Variants in HS3ST1 observed in about 807,000 individuals in gnomAD.
HS3ST1 encodes heparan sulfate glucosamine 3-O-sulfotransferase 1.
In HS3ST1, 8 loss-of-function variants were observed where a neutral mutation model predicts 20.7. That is an observed-to-expected ratio of 0.39 (90% confidence interval 0.23 to 0.70). The LOEUF (loss-of-function observed/expected upper bound fraction) is 0.70. Ranked by LOEUF, HS3ST1 falls within the 30% of genes least tolerant of loss-of-function variation. The pLI, the probability that HS3ST1 is intolerant of heterozygous loss-of-function variation, is 0.46. For missense variants in HS3ST1, 436 were observed against 423.4 expected, an observed-to-expected ratio of 1.03 and a Z score of -0.26; for synonymous variants, 205 against 190.4, an observed-to-expected ratio of 1.08 and a Z score of -0.63.
intron 1 of HS3ST1, among the ~76,000 whole-genome samples, chr4:11,425,064 C>T (rs900070925): frequency 6.6e-6 from 1 of 152,116 alleles, no homozygotes; most frequent in Non-Finnish European, 1.5e-5. Flanking sequence ...GTTTTCCGAT[C>T]GGCAGATTCC....
At chr4:11,420,398 C>T (rs1165127397) in intron 1 of HS3ST1, among the ~76,000 whole-genome samples, 2 of 152,146 alleles carry the variant, frequency 1.3e-5, no homozygotes, top group Non-Finnish European at 2.9e-5. Context: ...GGGAGCGAGT[C>T]TGAAAAGCTC....
rs1216173061 is a variant in HS3ST1 at position 11,397,188 on chromosome 4, G to T, written c.*1894C>A. The T allele has an allele frequency of 6.6e-6, 1 of 152,234 alleles. No individual in the cohort carries two copies. Among genetic ancestry groups the T allele is most frequent in the Non-Finnish European group, 1.5e-5 (1 of 68,054 alleles). The allele number at this position is 152,234 out of a possible 1,614,324, so 9.4% of individuals were successfully genotyped here. A position where few individuals can be genotyped will look rare whatever the true frequency, so the allele number is the denominator to read the frequency against. On this transcript the variant is annotated 3_prime_UTR_variant, in exon 2 of 2. Transcript: ENST00000002596. ...CTCTCTGCCTATTGAAAAGTACCAT[G>T]TCCACCAGGGGCCTGCTGTAAATAT...
At chr4:11,422,031 C>T (rs1186489726) in intron 1 of HS3ST1, among the ~76,000 whole-genome samples, 1 of 152,232 alleles carries the variant, frequency 6.6e-6, no homozygotes, top group African/African-American at 2.4e-5. Flanking sequence ...TTATCTACTA[C>T]ATTCTTTTCA....
At chr4:11,400,733 T>A (rs1718300409) in intron 1 of HS3ST1, among the ~76,000 whole-genome samples, 2 of 152,226 alleles carry the variant, frequency 1.3e-5, no homozygotes, top group South Asian at 4.1e-4. Flanking sequence ...TGTGAATTAG[T>A]ATGAAAGATT....
chr4:11,398,798 G>GA lies in HS3ST1; in HGVS notation c.*283dup, dbSNP rs1010216982. ...TATTCAAAAAAACATAGCGTCTCCAGAAAAAATCTTTTTTTTTTTTTCAGT... is the reference window on the plus strand; with the variant it reads ...TATTCAAAAAAACATAGCGTCTCCAGAAAAAAATCTTTTTTTTTTTTTCAGT... On this transcript the variant is annotated 3_prime_UTR_variant, in exon 2 of 2. Transcript: ENST00000002596. 4.1e-6 allele frequency: 1 copy of GA among 246,356 alleles called. No individual in the cohort carries two copies. 15.3% of individuals were successfully genotyped at this position (246,356 alleles called of 1,614,324 possible).
rs1019436378 is a variant in HS3ST1, at chr4:11,396,658, T to C, written c.*2424A>G. On this transcript the variant is annotated 3_prime_UTR_variant, in exon 2 of 2. Coordinates refer to ENST00000002596, the MANE Select transcript of HS3ST1 (RefSeq NM_005114.4). ...GGGTAAGTCTGGAGTGATGGTTTCT[T>C]ACACAGTGTACCTTCTCAATGACTG... 4.6e-5 allele frequency: 7 copies of C among 152,286 alleles called. No homozygotes were observed. The highest frequency in any genetic ancestry group is 1.7e-4 in the African/African-American group (7 of 41,430). 9.4% of individuals were successfully genotyped at this position (152,286 alleles called of 1,614,324 possible). A position where few individuals can be genotyped will look rare whatever the true frequency, so the allele number is the denominator to read the frequency against.
chr4:11,427,820 T>G lies in HS3ST1; in HGVS notation c.-109+879A>C, dbSNP rs75070691. 4.3e-3 allele frequency among the ~76,000 whole-genome samples: 656 copies of G among 152,296 alleles called. 6 individuals carry two copies. Among genetic ancestry groups the G allele is most frequent in the East Asian group, 0.022 (115 of 5,146 alleles). The stretch of plus-strand genomic sequence containing the variant: ...CCGGCACCCGGCTTTGGCTCCAGCT[T>G]CTTCTTCCCATCATCCGCCTACGTT... On this transcript the variant is annotated intron_variant, in intron 1 of 1. Coordinates refer to ENST00000002596, the MANE Select transcript of HS3ST1 (RefSeq NM_005114.4).
At chr4:11,410,245 G>A (rs532872691) in intron 1 of HS3ST1, among the ~76,000 whole-genome samples, 7 of 152,186 alleles carry the variant, frequency 4.6e-5, no homozygotes, top group African/African-American at 1.7e-4. Flanking sequence ...GATGCACGTG[G>A]AAGGAATGAA....
intron 1 of HS3ST1, among the ~76,000 whole-genome samples, chr4:11,423,240 C>T (rs75859735): frequency 0.012 from 1,825 of 152,058 alleles, 38 homozygotes; most frequent in African/African-American, 0.042. Context: ...AATGCAATGC[C>T]GGGTACATGG....
At position 11,399,231 on chromosome 4, in the gene HS3ST1, C is replaced by G. The variant is rs750938470; in HGVS notation, c.775G>C (p.Asp259His). 1.9e-6 allele frequency: 3 copies of G among 1,614,054 alleles called. No individual in the cohort carries two copies. Among genetic ancestry groups the G allele is most frequent in the South Asian group, 2.2e-5 (2 of 91,084 alleles). ...TGTAAGCAGCGGTCCCGGCCGCTGT[C>G]CCGCAGGCAGTAAAAGCCCTTGGTT... is the stretch of plus-strand genomic sequence containing the variant. Reference protein sequence around the residue: ...NKTKGFYCLRDSGRDRCLHES... With the variant: ...NKTKGFYCLRHSGRDRCLHES... The change falls in exon 2 of 2, where the codon GAC becomes CAC. Residue 259 changes from aspartate (D) to histidine (H), a missense_variant. By Grantham distance (81) the Asp-to-His change is moderately conservative. Coordinates refer to ENST00000002596, the MANE Select transcript of HS3ST1 (RefSeq NM_005114.4). This position sits in a 1 kb window ranked among gnomAD's most constrained non-coding sequence, Gnocchi z 5.1.
Position 11,405,865 on chromosome 4 carries a change from G to A in HS3ST1, c.-108-5752C>T, listed in dbSNP as rs562320641. 3.3e-5 allele frequency among the ~76,000 whole-genome samples: 5 copies of A among 152,304 alleles called. No individual in the cohort carries two copies. In the South Asian group the frequency reaches 1.0e-3, roughly 32 times the overall value. ...TCACATCATGACCTAGATTTCAAAT[G>A]TAATTAACTGTAATATATTCTCTCA... is the stretch of plus-strand genomic sequence containing the variant. On this transcript the variant is annotated intron_variant, in intron 1 of 1. Transcript: ENST00000002596.
intron 1 of HS3ST1, among the ~76,000 whole-genome samples, chr4:11,405,189 A>G (rs982549127): frequency 3.3e-5 from 5 of 152,240 alleles, no homozygotes; most frequent in African/African-American, 1.2e-4. Context: ...CCGATGGGTT[A>G]ATAGGTCCCA....
In HS3ST1 at chr4:11,398,556, A is replaced by G. The variant is rs996180497; in HGVS notation, c.*526T>C. The G allele has an allele frequency of 2.6e-5, 4 of 152,308 alleles. No homozygotes were observed. The highest frequency in any genetic ancestry group is 2.1e-4 in the South Asian group (1 of 4,834). The allele number at this position is 152,308 out of a possible 1,614,324, so 9.4% of individuals were successfully genotyped here. ...AAAACTGTGACCTCCAAAAATGACA[A>G]GGAATCGCCGAGGAGATAAATCTTA... is the stretch of plus-strand genomic sequence containing the variant. On this transcript the variant is annotated 3_prime_UTR_variant, in exon 2 of 2. Transcript: ENST00000002596.
chr4:11,400,141 CAT>C (rs1718283902), intron 1 of HS3ST1, 28 bp from the exon 2 acceptor site: 2 of 1,419,004 alleles, frequency 1.4e-6, no homozygotes, highest in South Asian at 3.1e-5. Flanking sequence ...AAGATATTAA[CAT>C]ATAACAAATA....
At chr4:11,403,439 T>C (rs1283313872) in intron 1 of HS3ST1, among the ~76,000 whole-genome samples, 1 of 152,172 alleles carries the variant, frequency 6.6e-6, no homozygotes, top group African/African-American at 2.4e-5. Flanking sequence ...AATGAAGTTA[T>C]AAACATCAGG....
intron 1 of HS3ST1, among the ~76,000 whole-genome samples, chr4:11,423,257 A>T (rs1718983471): frequency 6.6e-6 from 1 of 152,178 alleles, no homozygotes; most frequent in Non-Finnish European, 1.5e-5. Flanking sequence ...ATGGCAGACA[A>T]TAAACGTGCT....
Position 11,399,305 on chromosome 4 carries a change from A to T in HS3ST1, c.701T>A (p.Phe234Tyr). 1 of 1,614,128 alleles carries T rather than the reference A, an allele frequency of 6.2e-7. No homozygotes were observed. The highest frequency in any genetic ancestry group is 1.1e-5 in the South Asian group (1 of 91,082). Residue 234 changes from phenylalanine (F) to tyrosine (Y), a missense_variant, in exon 2 of 2, where the codon TTC becomes TAC. Transcript: ENST00000002596. This position sits in a 1 kb window ranked among gnomAD's most constrained non-coding sequence, Gnocchi z 5.1. ...PFPEIQKVER[F>Y]LKLSPQINAS... ...ATTGATCTGCGGCGACAGCTTTAGGAACCTCTCGACCTTTTGGATCTCAGG... is the reference window on the plus strand; with the variant it reads ...ATTGATCTGCGGCGACAGCTTTAGGTACCTCTCGACCTTTTGGATCTCAGG...
chr4:11,409,848 C>T (rs781750717), intron 1 of HS3ST1, among the ~76,000 whole-genome samples: 14 of 152,096 alleles, frequency 9.2e-5, no homozygotes, highest in African/African-American at 1.4e-4. Flanking sequence ...TGATGGGAGA[C>T]GGTGGCAATC....
chr4:11,432,788 G>A (rs948788671), upstream of HS3ST1, among the ~76,000 whole-genome samples: 9 of 152,188 alleles, frequency 5.9e-5, no homozygotes, highest in Non-Finnish European at 1.2e-4. Context: ...GTCCGCTAGT[G>A]AGAGGGGAAA....
Sources: allele counts gnomAD v4.1 joint callset (sites outside exome capture counted in the v4.1 genomes callset), GRCh38; gene constraint gnomAD v4.1.1; non-coding constraint Gnocchi (gnomAD v3.1); transcripts MANE v1.5; gene names NCBI Gene and HGNC (gene_info 2026-07-23, HGNC 2026-07-21).